Variants in CHMP7 observed in about 807,000 individuals in gnomAD.
CHMP7 encodes CHMP family, member 7.
CHMP7 carries 15 observed loss-of-function variants against 53.7 expected under a neutral mutation model. The observed-to-expected ratio is 0.28, with a 90% CI of 0.19 to 0.43. CHMP7 has a LOEUF of 0.43. Among genes scored for constraint, CHMP7 ranks in the 20% least tolerant of loss-of-function variants. CHMP7 has a pLI of 1.00. For missense variants in CHMP7, 527 were observed against 569.4 expected (o/e 0.93, Z 0.76); for synonymous variants, 261 against 228.0 (o/e 1.14, Z -1.30).
intron 2 of CHMP7, 136 bp from the exon 3 acceptor site, chr8:23,249,073 TG>T: frequency 1.7e-6 from 1 of 598,626 alleles, no homozygotes. Context: ...TGCGTGTCGT[TG>T]GCACAGCGTA....
intron 9 of CHMP7, 36 bp downstream of exon 9, chr8:23,259,162 A>ATTTTTTTTTTT (rs374301627): frequency 3.8e-6 from 2 of 530,596 alleles, no homozygotes; most frequent in African/African-American, 3.0e-5. Context: ...ATTTTTATTC[A>ATTTTTTTTTTT]TTTTTTTTTT....
At chr8:23,255,464 C>T in intron 4 of CHMP7, 32 bp downstream of exon 4, 12 of 1,587,344 alleles carry the variant, frequency 7.6e-6, no homozygotes, top group Non-Finnish European at 1.0e-5. Context: ...TTCACTGACT[C>T]AGCAGTGATT....
At chr8:23,258,600 G>A (rs937818240) in intron 7 of CHMP7, 132 bp from the exon 8 acceptor site, 5 of 1,222,062 alleles carry the variant, frequency 4.1e-6, no homozygotes, top group African/African-American at 1.5e-5. Context: ...GTTTGGCCTC[G>A]GTGGGTATAG....
Position 23,246,833 on chromosome 8 carries a change from C to T in CHMP7, c.138C>T (p.Ser46=), listed in dbSNP as rs1290179445. 4.4e-6 allele frequency: 7 copies of T among 1,599,676 alleles called. No individual in the cohort carries two copies. Among genetic ancestry groups the T allele is most frequent in the Non-Finnish European group, 6.0e-6 (7 of 1,173,640 alleles). ...SAFKRSREVN[S]TDWDSKMGFW... Reference sequence around the variant, plus strand: ...TCAAGAGGAGTCGCGAGGTGAACAGCACCGACTGGGACAGCAAGATGGGCT... The same window carrying T: ...TCAAGAGGAGTCGCGAGGTGAACAGTACCGACTGGGACAGCAAGATGGGCT... Residue 46 remains serine, a synonymous_variant, in exon 2 of 11, where the codon AGC becomes AGT. Transcript: ENST00000397677.
chr8:23,250,479 G>A (rs1478402534), intron 3 of CHMP7, among the ~76,000 whole-genome samples: 1 of 152,006 alleles, frequency 6.6e-6, no homozygotes, highest in Non-Finnish European at 1.5e-5. Context: ...GTGGTACCTG[G>A]GCCCTGCCTA....
intron 1 of CHMP7, among the ~76,000 whole-genome samples, chr8:23,245,886 T>C (rs1254044532): frequency 6.6e-6 from 1 of 152,266 alleles, no homozygotes; most frequent in Non-Finnish European, 1.5e-5. Flanking sequence ...GTCTAGGTTA[T>C]CAAATTTGTG....
At position 23,260,648 on chromosome 8, in the gene CHMP7, G is replaced by A; in HGVS notation, c.*49G>A. On this transcript the variant is annotated 3_prime_UTR_variant, in exon 11 of 11. Transcript: ENST00000397677. ...TGTAAAAGAGAGACCAGGCTTGCTG[G>A]GTGTGTACATAGTTATTTAAACAAG... 7.4e-7 allele frequency: 1 copy of A among 1,356,534 alleles called. No individual in the cohort carries two copies. Among genetic ancestry groups the A allele is most frequent in the South Asian group, 1.2e-5 (1 of 86,008 alleles). The allele number at this position is 1,356,534 out of a possible 1,614,324, so 84.0% of individuals were successfully genotyped here. A position where few individuals can be genotyped will look rare whatever the true frequency, so the allele number is the denominator to read the frequency against.
chr8:23,260,800 C>T lies in CHMP7; in HGVS notation c.*201C>T. Reference sequence around the variant, plus strand: ...TCCAAAGGCTTGCTCCCAGCTGTATCATGGACCTGCCTTCTCATCTTTATA... The same window carrying T: ...TCCAAAGGCTTGCTCCCAGCTGTATTATGGACCTGCCTTCTCATCTTTATA... On this transcript the variant is annotated 3_prime_UTR_variant, in exon 11 of 11. Coordinates refer to ENST00000397677, the MANE Select transcript of CHMP7 (RefSeq NM_152272.5). The T allele has an allele frequency of 1.6e-6, 1 of 607,566 alleles. No individual in the cohort carries two copies. Among genetic ancestry groups the T allele is most frequent in the African/African-American group, 1.8e-5 (1 of 54,116 alleles). 37.6% of individuals were successfully genotyped at this position (607,566 alleles called of 1,614,324 possible).
intron 2 of CHMP7, chr8:23,248,215 C>G: frequency 2.2e-6 from 1 of 456,160 alleles, no homozygotes; most frequent in Non-Finnish European, 4.4e-6. Flanking sequence ...AGGGAAGGGA[C>G]CAGAATGGGC....
intron 3 of CHMP7, among the ~76,000 whole-genome samples, chr8:23,253,822 C>T (rs907569231): frequency 1.3e-5 from 2 of 152,122 alleles, no homozygotes; most frequent in South Asian, 2.1e-4. Flanking sequence ...ATTCAAATAG[C>T]CTGTTGTTCA....
chr8:23,258,332 A>C lies in CHMP7; in HGVS notation c.843A>C (p.Ala281=). The part of the protein sequence containing the change: ...RACRAGKKQL[A]LRSLKAKQRT... ...GACCTAAGTCTCCATGCCTCCAGGC[A>C]CTGAGGTCTCTCAAGGCCAAGCAAC... The change falls in exon 7 of 11, where the codon GCA becomes GCC. Residue 281 remains alanine (A), a splice_region_variant and synonymous_variant. Coordinates refer to ENST00000397677, the MANE Select transcript of CHMP7 (RefSeq NM_152272.5). 3 of 1,614,170 alleles carry C rather than the reference A, an allele frequency of 1.9e-6. No individual in the cohort carries two copies. The highest frequency in any genetic ancestry group is 2.5e-6 in the Non-Finnish European group (3 of 1,180,040).
chr8:23,259,333 T>C (rs1241975824), intron 9 of CHMP7, among the ~76,000 whole-genome samples: 1 of 150,138 alleles, frequency 6.7e-6, no homozygotes, highest in Non-Finnish European at 1.5e-5. Context: ...TATGCCCGGC[T>C]AATTTTTTGT....
intron 9 of CHMP7, 105 bp downstream of exon 9, chr8:23,259,231 G>T (rs573140014): frequency 1.0e-4 from 61 of 584,582 alleles, no homozygotes; most frequent in East Asian, 1.9e-4. Context: ...TGCAGTGGCG[G>T]GATCTCGGCT....
chr8:23,258,689 C>T, intron 7 of CHMP7, 43 bp from the exon 8 acceptor site: 1 of 1,453,728 alleles, frequency 6.9e-7, no homozygotes, highest in African/African-American at 1.4e-5. Context: ...TGTATTTTGC[C>T]AAATGTCTGT....
intron 4 of CHMP7, 114 bp from the exon 5 acceptor site, chr8:23,256,345 AT>A: frequency 1.4e-6 from 1 of 728,912 alleles, no homozygotes; most frequent in Non-Finnish European, 2.5e-6. Flanking sequence ...ACTGGAACAT[AT>A]CCCCCATGGA....
chr8:23,246,788 G>C lies in CHMP7; in HGVS notation c.93G>C (p.Met31Ile). 1 of 1,584,006 alleles carries C rather than the reference G, an allele frequency of 6.3e-7. No individual in the cohort carries two copies. Among genetic ancestry groups the C allele is most frequent in the Non-Finnish European group, 8.6e-7 (1 of 1,165,646 alleles). The change falls in exon 2 of 11, where the codon ATG becomes ATC. Residue 31 changes from methionine (M) to isoleucine (I), a missense_variant. Coordinates refer to ENST00000397677, the MANE Select transcript of CHMP7 (RefSeq NM_152272.5). ...AGTGGGAGGAGGACGAGGAGCGCAT[G>C]TCCTTCCTGTTCTCCGCTTTCAAGA... ...PPEWEEDEERMSFLFSAFKRS... is the reference protein window; with the variant it reads ...PPEWEEDEERISFLFSAFKRS...
rs760026994 is a variant in CHMP7 at position 23,249,292 on chromosome 8, C to T, written c.382C>T (p.Leu128=). The T allele has an allele frequency of 1.4e-5, 23 of 1,613,298 alleles. No homozygotes were observed. The South Asian group carries it at 2.2e-4, about 15-fold the overall frequency. The part of the protein sequence containing the change: ...WISWGVGVFL[L]KPLKWTLSNM... The stretch of plus-strand genomic sequence containing the variant: ...CTCCTGGGGGGTTGGGGTCTTCCTG[C>T]TGAAGCCTCTCAAGTGGACTCTTTC... Residue 128 remains leucine (L), a synonymous_variant, in exon 3 of 11, where the codon CTG becomes TTG. Transcript: ENST00000397677.
In CHMP7 at chr8:23,246,603, A is replaced by G. The variant is rs2128856305; in HGVS notation, c.-93A>G. On this transcript the variant is annotated 5_prime_UTR_variant, in exon 2 of 11. Transcript: ENST00000397677. ...CGGCGGTGACGTGTGAACGAGAAGG[A>G]GGTGGTCAAGGAACGGAAGCCGGGA... The G allele has an allele frequency of 3.8e-6, 4 of 1,045,020 alleles. No homozygotes were observed. The highest frequency in any genetic ancestry group is 5.5e-6 in the Non-Finnish European group (4 of 726,348). 64.7% of individuals were successfully genotyped at this position (1,045,020 alleles called of 1,614,324 possible).
chr8:23,249,493 G>C, intron 3 of CHMP7, 112 bp downstream of exon 3: 1 of 789,192 alleles, frequency 1.3e-6, no homozygotes, highest in Non-Finnish European at 2.0e-6. Context: ...CATGGCTACT[G>C]AGTTGATAAC....
Sources: allele counts gnomAD v4.1 joint callset (sites outside exome capture counted in the v4.1 genomes callset), GRCh38; gene constraint gnomAD v4.1.1; transcripts MANE v1.5; gene names NCBI Gene and HGNC (gene_info 2026-07-23, HGNC 2026-07-21).